Variants in CSMD1 observed in about 807,000 individuals in gnomAD.
The protein encoded by CSMD1 is CUB and Sushi multiple domains 1, also known as CUB and sushi domain-containing protein 1.
Under a neutral mutation model 417.5 loss-of-function variants are expected in CSMD1, and 213 were observed. That is an observed-to-expected ratio of 0.51 (90% CI 0.46 to 0.57). The LOEUF (loss-of-function observed/expected upper bound fraction) is 0.57. Among genes scored for constraint, CSMD1 ranks in the 20% least tolerant of loss-of-function variants. The pLI is 0.00. For synonymous variants in CSMD1, 2,862 were observed against 1,736.8 expected (o/e 1.65, Z -16.11); for missense variants, 6,923 against 4,529.7 (o/e 1.53, Z -15.17).
intron 1 of CSMD1, among the ~76,000 whole-genome samples, chr8:4,704,208 C>T (rs1216818706): frequency 6.6e-6 from 1 of 152,214 alleles, no homozygotes; most frequent in Non-Finnish European, 1.5e-5. Flanking sequence ...GCTGGTAGCA[C>T]CTTACATTGT....
chr8:4,974,957 G>C (rs181204310), intron 1 of CSMD1, among the ~76,000 whole-genome samples: 1 of 152,192 alleles, frequency 6.6e-6, no homozygotes, highest in African/African-American at 2.4e-5. Flanking sequence ...TTCGACAATA[G>C]ATTCAAGTCG....
chr8:3,564,222 C>G (rs993597766), intron 10 of CSMD1, among the ~76,000 whole-genome samples: 1 of 152,132 alleles, frequency 6.6e-6, no homozygotes, highest in African/African-American at 2.4e-5. Flanking sequence ...TCCTACTCTA[C>G]TATTGAATAC....
chr8:3,627,448 G>T (rs1466807577), intron 7 of CSMD1, among the ~76,000 whole-genome samples: 1 of 152,120 alleles, frequency 6.6e-6, no homozygotes, highest in African/African-American at 2.4e-5. Context: ...CATGCACTGA[G>T]AAGACTATGT....
intron 5 of CSMD1, among the ~76,000 whole-genome samples, chr8:3,863,745 T>C (rs1268595021): frequency 2.0e-5 from 3 of 152,186 alleles, no homozygotes; most frequent in African/African-American, 7.2e-5. Context: ...TCATTTCAAA[T>C]GTTAAACTAC....
chr8:3,742,093 TCTG>T (rs1446565484), intron 6 of CSMD1, among the ~76,000 whole-genome samples: 2 of 152,034 alleles, frequency 1.3e-5, no homozygotes, highest in East Asian at 3.9e-4. Context: ...TGCACCTGGC[TCTG>T]CTGATGAGGA....
intron 29 of CSMD1, 82 bp downstream of exon 29, chr8:3,219,173 C>G: frequency 8.8e-7 from 1 of 1,141,348 alleles, no homozygotes; most frequent in Non-Finnish European, 1.3e-6. Flanking sequence ...AACAGACAAG[C>G]AAGATGTTAC....
chr8:4,376,573 T>G (rs1304414313), intron 3 of CSMD1, among the ~76,000 whole-genome samples: 1 of 152,180 alleles, frequency 6.6e-6, no homozygotes, highest in Non-Finnish European at 1.5e-5. Flanking sequence ...CTGTTTGTTG[T>G]TGTTACAACA....
At chr8:4,620,562 AT>A (rs1260775971) in intron 2 of CSMD1, among the ~76,000 whole-genome samples, 1 of 151,832 alleles carries the variant, frequency 6.6e-6, no homozygotes, top group Non-Finnish European at 1.5e-5. Flanking sequence ...CACAGAGTAT[AT>A]TTTTTAACTG....
intron 33 of CSMD1, among the ~76,000 whole-genome samples, chr8:3,196,151 T>C (rs1337981613): frequency 6.6e-6 from 1 of 152,188 alleles, no homozygotes; most frequent in African/African-American, 2.4e-5. Flanking sequence ...CATTATATAC[T>C]AATTATAATG....
At chr8:4,647,422 CGG>C (rs1803599213) in intron 1 of CSMD1, among the ~76,000 whole-genome samples, 20 of 146,120 alleles carry the variant, frequency 1.4e-4, no homozygotes, top group African/African-American at 3.7e-4. Context: ...GCGTGTGCCA[CGG>C]CGGCCTGCTA....
At position 3,448,036 on chromosome 8, in the gene CSMD1, C is replaced by G. The variant is rs149066119; in HGVS notation, c.1561+20676G>C. ...GGGACCTCCTAACCCTGGATACAAA[C>G]AAGCCTCTTGTGTCATACACAGGAT... On this transcript the variant is annotated intron_variant, in intron 12 of 69. Transcript: ENST00000635120. Among the ~76,000 whole-genome samples the G allele has an allele frequency of 4.5e-3, 691 of 152,076 alleles. 2 individuals are homozygous for G. The highest frequency in any genetic ancestry group is 0.034 in the Middle Eastern group (10 of 294).
At chr8:3,022,367 C>CGGAATGCACCCGCAATCCCACAGCATCT (rs1809509501) in intron 51 of CSMD1, among the ~76,000 whole-genome samples, 4 of 151,686 alleles carry the variant, frequency 2.6e-5, no homozygotes, top group African/African-American at 7.3e-5. Flanking sequence ...CCACAGCATC[C>CGGAATGCACCCGCAATCCCACAGCATCT]GGAATGCACC....
intron 5 of CSMD1, among the ~76,000 whole-genome samples, chr8:3,857,902 T>C (rs1402392120): frequency 6.6e-6 from 1 of 152,234 alleles, no homozygotes; most frequent in Non-Finnish European, 1.5e-5. Flanking sequence ...CTTCCGTCCT[T>C]AAAATTGACC....
chr8:3,821,773 C>G (rs12679057), intron 5 of CSMD1, among the ~76,000 whole-genome samples: 50,019 of 151,890 alleles, frequency 0.33, 8,808 homozygotes, highest in East Asian at 0.62. Flanking sequence ...CAGAGTGAGA[C>G]TCTGTCTCAA....
At chr8:3,732,752 C>A (rs982578805) in intron 6 of CSMD1, among the ~76,000 whole-genome samples, 2 of 152,118 alleles carry the variant, frequency 1.3e-5, no homozygotes, top group Non-Finnish European at 2.9e-5. Flanking sequence ...CTGATAAACT[C>A]AATGCTTAAT....
chr8:3,198,747 T>C (rs1215306482), intron 33 of CSMD1, among the ~76,000 whole-genome samples: 1 of 152,320 alleles, frequency 6.6e-6, no homozygotes, highest in African/African-American at 2.4e-5. Context: ...AACACTGTTA[T>C]ACTCCACCTT....
At chr8:2,974,707 T>A in intron 55 of CSMD1, 83 bp from the exon 56 acceptor site, 1 of 953,322 alleles carries the variant, frequency 1.0e-6, no homozygotes. Context: ...CAGACACCCA[T>A]ACTGACATCA....
At position 3,364,385 on chromosome 8, in the gene CSMD1, T is replaced by G. The variant is rs766346542; in HGVS notation, c.3115+2647A>C. Among the ~76,000 whole-genome samples the G allele has an allele frequency of 3.3e-5, 5 of 152,196 alleles. No homozygotes were observed. In the East Asian group the frequency reaches 9.6e-4, roughly 29 times the overall value. On this transcript the variant is annotated intron_variant, in intron 20 of 69. Transcript: ENST00000635120. ...TTCTTCTGCAGGCTTTAGGTATTAT[T>G]TTCTACTGGTTATGTTTAAATGAAT... is the stretch of plus-strand genomic sequence containing the variant.
intron 1 of CSMD1, among the ~76,000 whole-genome samples, chr8:4,768,862 A>G (rs1329898571): frequency 6.6e-6 from 1 of 152,202 alleles, no homozygotes; most frequent in Non-Finnish European, 1.5e-5. Context: ...TGGCTGAGAC[A>G]TGACTTCCAC....
Sources: allele counts gnomAD v4.1 joint callset (sites outside exome capture counted in the v4.1 genomes callset), GRCh38; gene constraint gnomAD v4.1.1; transcripts MANE v1.5; gene names NCBI Gene and HGNC (gene_info 2026-07-23, HGNC 2026-07-21).